The following LIN7A variants were observed in gnomAD, a reference collection of about 807,000 sequenced individuals.
LIN7A encodes protein lin-7 homolog A.
LIN7A carries 25 observed loss-of-function variants against 29.8 expected under a neutral mutation model. That is an observed-to-expected ratio of 0.84 (90% CI 0.61 to 1.17). The LOEUF is 1.17. Ranked by LOEUF, LIN7A falls within the 50% of genes most tolerant of loss-of-function variation. LIN7A has a pLI of 0.00. For missense variants in LIN7A, 239 were observed against 287.0 expected, an observed-to-expected ratio of 0.83 and a Z score of 1.21; for synonymous variants, 118 against 107.5, an observed-to-expected ratio of 1.10 and a Z score of -0.60.
chr12:80,854,799 A>T (rs911907428), intron 2 of LIN7A, among the ~76,000 whole-genome samples: 5 of 152,196 alleles, frequency 3.3e-5, no homozygotes, highest in African/African-American at 1.2e-4. Context: ...ATATTTTTTA[A>T]GACATAGGAA....
intron 1 of LIN7A, among the ~76,000 whole-genome samples, chr12:80,913,124 G>A (rs984361837): frequency 5.9e-5 from 9 of 152,116 alleles, no homozygotes; most frequent in African/African-American, 1.7e-4. Context: ...TGAGCTTACC[G>A]TCTGTTCCTT....
intron 4 of LIN7A, among the ~76,000 whole-genome samples, chr12:80,827,672 A>G (rs1872144458): frequency 6.6e-6 from 1 of 152,104 alleles, no homozygotes; most frequent in Non-Finnish European, 1.5e-5. Flanking sequence ...TCATGTTTCT[A>G]TAATCTCTCA....
At chr12:80,800,501 A>G (rs1297158734) in intron 5 of LIN7A, among the ~76,000 whole-genome samples, 1 of 133,762 alleles carries the variant, frequency 7.5e-6, no homozygotes, top group Non-Finnish European at 1.5e-5. Context: ...AAAAAAAAAA[A>G]AAAAAAAAAA....
intron 1 of LIN7A, among the ~76,000 whole-genome samples, chr12:80,895,818 G>T (rs184646694): frequency 6.6e-6 from 1 of 152,074 alleles, no homozygotes; most frequent in Non-Finnish European, 1.5e-5. Flanking sequence ...TTGTGATCAC[G>T]AAGATAACTG....
chr12:80,801,590 TATTGA>T (rs1450561748), intron 5 of LIN7A, among the ~76,000 whole-genome samples: 2 of 152,224 alleles, frequency 1.3e-5, no homozygotes, highest in South Asian at 2.1e-4. Context: ...TGTATAAATA[TATTGA>T]ATTGATGTTT....
intron 2 of LIN7A, among the ~76,000 whole-genome samples, chr12:80,856,125 G>T (rs777618532): frequency 1.3e-4 from 20 of 152,090 alleles, no homozygotes; most frequent in Admixed American, 2.6e-4. Flanking sequence ...AAATTAAATG[G>T]CAATGGTACA....
intron 1 of LIN7A, among the ~76,000 whole-genome samples, chr12:80,897,137 T>C (rs1454225378): frequency 6.6e-6 from 1 of 152,194 alleles, no homozygotes; most frequent in Non-Finnish European, 1.5e-5. Flanking sequence ...TGAAGTTTGA[T>C]TTGCCTACTA....
At chr12:80,854,622 G>C (rs906168920) in intron 2 of LIN7A, among the ~76,000 whole-genome samples, 1 of 151,742 alleles carries the variant, frequency 6.6e-6, no homozygotes, top group African/African-American at 2.4e-5. Flanking sequence ...ATTAGACCAA[G>C]TATGATGAAA....
rs189030622 is a variant in LIN7A at position 80,924,733 on chromosome 12, G to A, written c.82+12908C>T. Among the ~76,000 whole-genome samples the A allele has an allele frequency of 3.5e-3, 535 of 152,152 alleles. 1 individual carries two copies. The highest frequency in any genetic ancestry group is 5.3e-3 in the Non-Finnish European group (362 of 68,020). ...AAAAGAAAGTTAAAAGTCACTCTTG[G>A]TTATATTTACCCCAGTCAGTTACTT... On this transcript the variant is annotated intron_variant, in intron 1 of 5. Coordinates refer to ENST00000552864, the MANE Select transcript of LIN7A (RefSeq NM_004664.4).
At chr12:80,848,762 C>T (rs947156139) in intron 2 of LIN7A, among the ~76,000 whole-genome samples, 15 of 152,054 alleles carry the variant, frequency 9.9e-5, no homozygotes, top group Admixed American at 6.6e-4. Flanking sequence ...TAATGCATAG[C>T]AATAAAAGTC....
chr12:80,815,867 T>C (rs1336929072), intron 4 of LIN7A, among the ~76,000 whole-genome samples: 2 of 152,042 alleles, frequency 1.3e-5, no homozygotes, highest in African/African-American at 4.8e-5. Context: ...ATTAAGAAGG[T>C]GAGGAGTGAT....
chr12:80,917,621 A>G (rs1283124099), intron 1 of LIN7A, among the ~76,000 whole-genome samples: 1 of 152,114 alleles, frequency 6.6e-6, no homozygotes, highest in Admixed American at 6.5e-5. Flanking sequence ...ATATTTTTAA[A>G]TAATCTTTTT....
intron 1 of LIN7A, among the ~76,000 whole-genome samples, chr12:80,914,706 A>G (rs1876941625): frequency 6.6e-6 from 1 of 152,156 alleles, no homozygotes; most frequent in African/African-American, 2.4e-5. Flanking sequence ...CAATGAATTA[A>G]CTTTTCACAC....
At chr12:80,919,098 C>T (rs933169698) in intron 1 of LIN7A, among the ~76,000 whole-genome samples, 3 of 152,180 alleles carry the variant, frequency 2.0e-5, no homozygotes, top group African/African-American at 7.2e-5. Context: ...TCACCTAATG[C>T]TTCTTTTCTC....
chr12:80,812,475 A>AG (rs1292272893), intron 4 of LIN7A, among the ~76,000 whole-genome samples: 2 of 146,534 alleles, frequency 1.4e-5, no homozygotes, highest in Non-Finnish European at 3.0e-5. Context: ...AAAAAAAAAA[A>AG]GGCAAACCAG....
chr12:80,807,084 T>TGTTTTTTGTTTTTTG (rs1490434944), intron 5 of LIN7A, among the ~76,000 whole-genome samples: 2 of 129,268 alleles, frequency 1.5e-5, no homozygotes, highest in Non-Finnish European at 3.5e-5. Context: ...TTTTTTTTTT[T>TGTTTTTTGTTTTTTG]TTTTTTTGAC....
At chr12:80,903,933 G>A (rs1296548447) in intron 1 of LIN7A, among the ~76,000 whole-genome samples, 1 of 151,996 alleles carries the variant, frequency 6.6e-6, no homozygotes. Context: ...GTATTTATCT[G>A]ATGATTAGTG....
intron 1 of LIN7A, among the ~76,000 whole-genome samples, chr12:80,917,470 A>C (rs1877083970): frequency 6.6e-6 from 1 of 152,218 alleles, no homozygotes; most frequent in Non-Finnish European, 1.5e-5. Flanking sequence ...AGGCTATAGC[A>C]TCAGTTTAAA....
intron 4 of LIN7A, among the ~76,000 whole-genome samples, chr12:80,815,636 C>T (rs1199495904): frequency 6.6e-6 from 1 of 152,168 alleles, no homozygotes; most frequent in Non-Finnish European, 1.5e-5. Context: ...AAACTTGTAG[C>T]ACCAGCTTCC....
Sources: allele counts gnomAD v4.1 joint callset (sites outside exome capture counted in the v4.1 genomes callset), GRCh38; gene constraint gnomAD v4.1.1; transcripts MANE v1.5; gene names NCBI Gene and HGNC (gene_info 2026-07-23, HGNC 2026-07-21).